PCDHGA5: variants seen among roughly 807,000 people sequenced by gnomAD.
PCDHGA5 encodes protocadherin gamma-A5.
PCDHGA5 carries 36 observed loss-of-function variants against 56.7 expected under a neutral mutation model. The ratio of observed to expected loss-of-function variants is 0.64; its 90% CI spans 0.49 to 0.84. PCDHGA5 has a LOEUF of 0.84. PCDHGA5 is among the 40% of genes least tolerant of loss of function. The pLI is 0.00. For synonymous variants in PCDHGA5, 563 were observed against 520.2 expected (o/e 1.08, Z -1.12); for missense variants, 1,305 against 1,201.5 (o/e 1.09, Z -1.27).
intron 1 of PCDHGA5, chr5:141,413,452 AGGATAGACC>A (rs2095643065): frequency 6.2e-7 from 1 of 1,614,124 alleles, no homozygotes; most frequent in Admixed American, 1.7e-5. Context: ...CACCGCGGGC[AGGATAGACC>A]GGGAGGAGCT....
rs760878091 is a variant in PCDHGA5 at position 141,476,406 on chromosome 5, T to A, written c.2422-18401T>A. The A allele has an allele frequency of 6.2e-7, 1 of 1,614,054 alleles. No individual in the cohort carries two copies. The highest frequency in any genetic ancestry group is 8.5e-7 in the Non-Finnish European group (1 of 1,180,002). On this transcript the variant is annotated intron_variant, in intron 1 of 3. Transcript: ENST00000518069. The surrounding 1 kb of genome is among the most constrained non-coding windows in gnomAD (Gnocchi z 7.6). Reference sequence around the variant, plus strand: ...AACGACCGTCTGGATCGAGAGGAGCTGTGTGGGACACTGCCCTCTTGCACT... The same window carrying A: ...AACGACCGTCTGGATCGAGAGGAGCAGTGTGGGACACTGCCCTCTTGCACT...
rs530622003 is a variant in PCDHGA5, at chr5:141,437,077, T to G, written c.2422-57730T>G. ...TGATCATTATTTGGTTTGGGCCATA[T>G]AAGAATTGAAACTAACGGCTTAGCT... On this transcript the variant is annotated intron_variant, in intron 1 of 3. Transcript: ENST00000518069. Among the ~76,000 whole-genome samples, 107 of 152,372 alleles carry G rather than the reference T, an allele frequency of 7.0e-4. 1 individual carries two copies. The highest frequency in any genetic ancestry group is 6.4e-3 in the South Asian group (31 of 4,828).
intron 1 of PCDHGA5, among the ~76,000 whole-genome samples, chr5:141,472,688 A>G (rs970538300): frequency 2.0e-5 from 3 of 151,384 alleles, no homozygotes; most frequent in African/African-American, 7.3e-5. Context: ...CATTTCCCCT[A>G]GAAATAAGTG....
chr5:141,399,054 G>T (rs76381401), intron 1 of PCDHGA5: 1 of 1,613,694 alleles, frequency 6.2e-7, no homozygotes, highest in South Asian at 1.1e-5. Context: ...AAGAGACCAA[G>T]GAATATTCAA....
At chr5:141,377,549 T>G (rs962793950) in intron 1 of PCDHGA5, 3 of 152,038 alleles carry the variant, frequency 2.0e-5, no homozygotes, top group African/African-American at 7.2e-5. Context: ...TGAGATATAA[T>G]TGTGTCACTG....
At chr5:141,400,116 C>T in intron 1 of PCDHGA5, 2 of 1,614,086 alleles carry the variant, frequency 1.2e-6, no homozygotes, top group Non-Finnish European at 1.7e-6. Context: ...TTGCTGACAG[C>T]TTGCAGGAGG....
At chr5:141,422,729 C>G (rs1352451042) in intron 1 of PCDHGA5, 1 of 1,606,960 alleles carries the variant, frequency 6.2e-7, no homozygotes, top group South Asian at 1.1e-5. Flanking sequence ...CAGGGGGTGC[C>G]TCTGTCCTCC....
chr5:141,439,131 T>A (rs2098090046), intron 1 of PCDHGA5, among the ~76,000 whole-genome samples: 1 of 150,502 alleles, frequency 6.6e-6, no homozygotes, highest in Non-Finnish European at 1.5e-5. Flanking sequence ...AGACAGAGGT[T>A]GCAGTGAGCT....
chr5:141,501,345 A>G (rs2099808580), intron 2 of PCDHGA5, among the ~76,000 whole-genome samples: 2 of 150,582 alleles, frequency 1.3e-5, no homozygotes, highest in East Asian at 1.9e-4. Context: ...CCCAAACTCA[A>G]TAGGGCAAGA....
In PCDHGA5 at chr5:141,365,555, G is replaced by T. The variant is rs766239362; in HGVS notation, c.1225G>T (p.Asp409Tyr). Reference protein sequence around the residue: ...DNYYHLLTTRDLDREETSDYN... With the variant: ...DNYYHLLTTRYLDREETSDYN... ...TTACTATCACCTATTAACAACTAGG[G>T]ACCTGGACAGAGAAGAGACTTCAGA... The change falls in exon 1 of 4, where the codon GAC becomes TAC. Residue 409 changes from aspartate to tyrosine, a missense_variant. Physicochemically the swap from Asp to Tyr is radical, Grantham distance 160. Transcript: ENST00000518069. The T allele has an allele frequency of 4.3e-5, 70 of 1,613,524 alleles. No individual in the cohort carries two copies. The Admixed American group carries it at 5.7e-4, about 13-fold the overall frequency.
chr5:141,411,785 G>A (rs2095515346), intron 1 of PCDHGA5: 1 of 152,310 alleles, frequency 6.6e-6, no homozygotes, highest in South Asian at 2.1e-4. Context: ...TGGTGGCTGT[G>A]GTGGGAGAAT....
chr5:141,455,627 A>G (rs1426625737), intron 1 of PCDHGA5, among the ~76,000 whole-genome samples: 2 of 152,104 alleles, frequency 1.3e-5, no homozygotes, highest in East Asian at 3.9e-4. Context: ...ACACGTGGAG[A>G]TATGTGGGGG....
At position 141,489,505 on chromosome 5, in the gene PCDHGA5, A is replaced by G. The variant is rs1198371307; in HGVS notation, c.2422-5302A>G. On this transcript the variant is annotated intron_variant, in intron 1 of 3. Transcript: ENST00000518069. The surrounding 1 kb of genome is among the most constrained non-coding windows in gnomAD (Gnocchi z 4.5). ...GAGTGGTGCCCTGGCAGTGAATCAA[A>G]AGATTGACCGAGAAAGCCTATGTGG... The G allele has an allele frequency of 1.9e-6, 3 of 1,613,972 alleles. No homozygotes were observed. The Admixed American group carries it at 5.0e-5, about 27-fold the overall frequency.
At position 141,408,137 on chromosome 5, in the gene PCDHGA5, T is replaced by C; in HGVS notation, c.2421+41386T>C. ...CTCCTGTCCTGGGCCGAATGCTCTT[T>C]TAGCGCGGTAGAGTGCACTTTCTCC... On this transcript the variant is annotated intron_variant, in intron 1 of 3. Coordinates refer to ENST00000518069, the MANE Select transcript of PCDHGA5 (RefSeq NM_018918.3). 4.0e-6 allele frequency: 6 copies of C among 1,488,870 alleles called. No individual in the cohort carries two copies. The South Asian group carries it at 8.2e-5, about 20-fold the overall frequency. 92.2% of individuals were successfully genotyped at this position (1,488,870 alleles called of 1,614,324 possible).
intron 1 of PCDHGA5, chr5:141,478,686 GA>G (rs2099472024): frequency 6.4e-7 from 1 of 1,551,134 alleles, no homozygotes; most frequent in South Asian, 1.2e-5. Context: ...GCCCTTCCTA[GA>G]TCAAAGTTAG....
At chr5:141,471,444 A>G (rs1366430114) in intron 1 of PCDHGA5, 1 of 152,150 alleles carries the variant, frequency 6.6e-6, no homozygotes, top group Non-Finnish European at 1.5e-5. Context: ...AATCTCATGT[A>G]CCTTTTGAAA....
At position 141,371,145 on chromosome 5, in the gene PCDHGA5, G is replaced by A. The variant is rs144065486; in HGVS notation, c.2421+4394G>A. The stretch of plus-strand genomic sequence containing the variant: ...TACTCAGGACATGTACAGGGTCAAT[G>A]TTGCAGAGAACCTGCCCGCTGGCTC... On this transcript the variant is annotated intron_variant, in intron 1 of 3. Coordinates refer to ENST00000518069, the MANE Select transcript of PCDHGA5 (RefSeq NM_018918.3). 54 of 1,614,030 alleles carry A rather than the reference G, an allele frequency of 3.3e-5. No individual in the cohort carries two copies. The African/African-American group carries it at 6.0e-4, about 18-fold the overall frequency.
At chr5:141,404,811 G>A (rs2094571358) in intron 1 of PCDHGA5, 1 of 1,606,238 alleles carries the variant, frequency 6.2e-7, no homozygotes, top group African/African-American at 1.4e-5. Flanking sequence ...TTCTCGGTGG[G>A]GCTGCACACA....
At position 141,505,403 on chromosome 5, in the gene PCDHGA5, G is replaced by A; in HGVS notation, c.2491G>A (p.Gly831Ser). The A allele has an allele frequency of 6.2e-7, 1 of 1,614,186 alleles. No individual in the cohort carries two copies. The highest frequency in any genetic ancestry group is 8.5e-7 in the Non-Finnish European group (1 of 1,180,038). ...QRPGTSGSQN[G>S]DDTGTWPNNQ... ...CTACTCTCTCCCCAGCTCCCAAAAT[G>A]GCGATGACACCGGCACCTGGCCCAA... Residue 831 changes from glycine (G) to serine (S), a missense_variant, in exon 3 of 4, where the codon GGC (glycine) becomes AGC (serine). Coordinates refer to ENST00000518069, the MANE Select transcript of PCDHGA5 (RefSeq NM_018918.3).
Sources: gnomAD v4.1 joint callset for allele counts (sites outside exome capture counted in the v4.1 genomes callset) on GRCh38, gnomAD v4.1.1 for gene constraint, Gnocchi (gnomAD v3.1) non-coding constraint, MANE v1.5 for transcripts, NCBI Gene and HGNC (gene_info 2026-07-23, HGNC 2026-07-21) for gene names.